Variants in DYTN observed in about 807,000 individuals in gnomAD.
The protein encoded by DYTN is dystrotelin.
DYTN carries 75 observed loss-of-function variants against 69.6 expected under a neutral mutation model. The ratio of observed to expected loss-of-function variants is 1.08; its 90% CI spans 0.89 to 1.31. DYTN has a LOEUF of 1.31. Among genes scored for constraint, DYTN ranks in the 50% most tolerant of loss-of-function variants. The pLI, the probability that DYTN is intolerant of heterozygous loss-of-function variation, is 0.00. For missense variants in DYTN, 726 were observed against 688.4 expected, an observed-to-expected ratio of 1.05 and a Z score of -0.61; for synonymous variants, 252 against 249.1, an observed-to-expected ratio of 1.01 and a Z score of -0.11.
At chr2:206,714,408 T>C (rs1273795729) in intron 1 of DYTN, among the ~76,000 whole-genome samples, 1 of 152,180 alleles carries the variant, frequency 6.6e-6, no homozygotes, top group Non-Finnish European at 1.5e-5. Context: ...TTCACCGTGT[T>C]AGCCAGGATG....
At chr2:206,671,770 G>C (rs1290511679) in intron 9 of DYTN, among the ~76,000 whole-genome samples, 2 of 152,162 alleles carry the variant, frequency 1.3e-5, no homozygotes, top group Non-Finnish European at 2.9e-5. Flanking sequence ...TCTTGCACCA[G>C]TATTATGTGG....
At chr2:206,677,702 G>A (rs987552850) in intron 9 of DYTN, among the ~76,000 whole-genome samples, 1 of 152,086 alleles carries the variant, frequency 6.6e-6, no homozygotes, top group Non-Finnish European at 1.5e-5. Flanking sequence ...GACTGATAAT[G>A]TTTTTAGACT....
At chr2:206,714,294 C>G (rs1225404791) in intron 1 of DYTN, among the ~76,000 whole-genome samples, 1 of 152,210 alleles carries the variant, frequency 6.6e-6, no homozygotes, top group Non-Finnish European at 1.5e-5. Context: ...GCTCCACCTC[C>G]CGGGTTCATG....
chr2:206,682,630 A>G (rs1395211443), intron 9 of DYTN, among the ~76,000 whole-genome samples: 1 of 152,162 alleles, frequency 6.6e-6, no homozygotes, highest in Non-Finnish European at 1.5e-5. Flanking sequence ...CATGGCTTTA[A>G]CAACCATTAA....
intron 4 of DYTN, among the ~76,000 whole-genome samples, 180 bp downstream of exon 4, chr2:206,705,608 T>C (rs972539314): frequency 4.6e-5 from 7 of 152,204 alleles, no homozygotes; most frequent in African/African-American, 1.7e-4. Flanking sequence ...AAACAAGTAA[T>C]TAGGAAGTGT....
At chr2:206,657,263 G>A (rs761862540) in intron 11 of DYTN, among the ~76,000 whole-genome samples, 3 of 152,022 alleles carry the variant, frequency 2.0e-5, no homozygotes, top group East Asian at 1.9e-4. Context: ...ATAGGCATGC[G>A]TCACCACACC....
chr2:206,706,618 G>A (rs750360882), intron 3 of DYTN, among the ~76,000 whole-genome samples: 6 of 151,514 alleles, frequency 4.0e-5, no homozygotes, highest in South Asian at 2.1e-4. Flanking sequence ...TACTTTTTTC[G>A]TCTACTTTCC....
intron 11 of DYTN, among the ~76,000 whole-genome samples, chr2:206,660,747 G>C (rs992069401): frequency 1.3e-5 from 2 of 152,106 alleles, no homozygotes; most frequent in Non-Finnish European, 2.9e-5. Flanking sequence ...ACTTGTTTTT[G>C]TTAATACAAA....
intron 8 of DYTN, 124 bp downstream of exon 8, chr2:206,694,642 C>G: frequency 1.5e-6 from 1 of 684,272 alleles, no homozygotes; most frequent in South Asian, 2.8e-5. Context: ...CTTGCTTAGT[C>G]TTAAATATTG....
At chr2:206,709,795 G>C (rs1430867332) in intron 2 of DYTN, among the ~76,000 whole-genome samples, 3 of 152,144 alleles carry the variant, frequency 2.0e-5, no homozygotes, top group African/African-American at 7.2e-5. Flanking sequence ...TTTCTTTCAT[G>C]CAGTGAGAAA....
chr2:206,672,547 G>A (rs1699641124), intron 9 of DYTN, among the ~76,000 whole-genome samples: 1 of 152,194 alleles, frequency 6.6e-6, no homozygotes, highest in South Asian at 2.1e-4. Flanking sequence ...TGGTGTCCCA[G>A]TCTGTATGAG....
intron 2 of DYTN, 84 bp from the exon 3 acceptor site, chr2:206,707,587 T>G (rs1700040395): frequency 7.3e-7 from 1 of 1,371,554 alleles, no homozygotes; most frequent in African/African-American, 1.5e-5. Flanking sequence ...TTTGGTGTTT[T>G]ATAATTAAGA....
chr2:206,700,672 G>A (rs1347085084), intron 5 of DYTN, among the ~76,000 whole-genome samples: 1 of 151,614 alleles, frequency 6.6e-6, no homozygotes, highest in Non-Finnish European at 1.5e-5. Context: ...ATATACATGT[G>A]CCATGGTGGT....
At chr2:206,684,633 C>G (rs565227155) in intron 9 of DYTN, among the ~76,000 whole-genome samples, 1 of 152,266 alleles carries the variant, frequency 6.6e-6, no homozygotes, top group African/African-American at 2.4e-5. Flanking sequence ...TTTTTTCTAA[C>G]CAATAGAGAG....
intron 5 of DYTN, among the ~76,000 whole-genome samples, chr2:206,702,495 A>T (rs1047938186): frequency 5.9e-5 from 9 of 152,232 alleles, no homozygotes; most frequent in African/African-American, 1.9e-4. Context: ...TTGTACTTTA[A>T]ATTGATAATA....
At chr2:206,662,716 C>G (rs1356984900) in intron 11 of DYTN, among the ~76,000 whole-genome samples, 187 bp downstream of exon 11, 1 of 150,784 alleles carries the variant, frequency 6.6e-6, no homozygotes, top group Non-Finnish European at 1.5e-5. Flanking sequence ...CTTTAATACT[C>G]ACAACAGACC....
chr2:206,682,319 A>C (rs2105894157), intron 9 of DYTN, among the ~76,000 whole-genome samples: 1 of 152,098 alleles, frequency 6.6e-6, no homozygotes, highest in South Asian at 2.1e-4. Flanking sequence ...AATTTTTTTC[A>C]AATTAATCCA....
intron 9 of DYTN, among the ~76,000 whole-genome samples, chr2:206,690,594 T>G (rs1419759754): frequency 6.6e-6 from 1 of 152,144 alleles, no homozygotes; most frequent in Admixed American, 6.5e-5. Flanking sequence ...GTAGAAATAA[T>G]GAGACTCACT....
chr2:206,653,818 A>G (rs747271717), intron 11 of DYTN, among the ~76,000 whole-genome samples: 3 of 152,210 alleles, frequency 2.0e-5, no homozygotes, highest in Admixed American at 1.3e-4. Flanking sequence ...TGATTTGCCA[A>G]CCGCATAACA....
Sources: gnomAD v4.1 joint callset for allele counts (sites outside exome capture counted in the v4.1 genomes callset) on GRCh38, gnomAD v4.1.1 for gene constraint, MANE v1.5 for transcripts, NCBI Gene and HGNC (gene_info 2026-07-23, HGNC 2026-07-21) for gene names.